Variants in LMBRD1 observed in about 807,000 individuals in gnomAD.
The protein encoded by LMBRD1 is lysosomal cobalamin transport escort protein LMBD1.
A neutral mutation model predicts 74.8 loss-of-function variants in LMBRD1; 64 were observed. The ratio of observed to expected loss-of-function variants is 0.86; its 90% CI spans 0.70 to 1.05. The LOEUF (loss-of-function observed/expected upper bound fraction) is 1.05. Among genes scored for constraint, LMBRD1 ranks in the 50% least tolerant of loss-of-function variants. The probability of loss-of-function intolerance (pLI) is 0.00; values close to 1 mark genes in which losing one functional copy is unlikely to be tolerated. For missense variants in LMBRD1, 652 were observed against 645.9 expected (o/e 1.01, Z -0.10); for synonymous variants, 204 against 216.3 (o/e 0.94, Z 0.50).
Position 69,675,918 on chromosome 6 carries a change from A to C in LMBRD1, c.*240T>G. 1 of 473,860 alleles carries C rather than the reference A, an allele frequency of 2.1e-6. No individual in the cohort carries two copies. Among genetic ancestry groups the C allele is most frequent in the South Asian group, 2.4e-5 (1 of 41,452 alleles). 29.4% of individuals were successfully genotyped at this position (473,860 alleles called of 1,614,324 possible). A position where few individuals can be genotyped will look rare whatever the true frequency, so the allele number is the denominator to read the frequency against. ...TATACATTAGAGGAAAAAATTTTGC[A>C]CAAACATTCCCTCACAAAGCCAGTA... On this transcript the variant is annotated 3_prime_UTR_variant, in exon 16 of 16. Transcript: ENST00000649934.
intron 3 of LMBRD1, among the ~76,000 whole-genome samples, chr6:69,767,746 T>TTTC (rs1765500333): frequency 2.0e-5 from 3 of 152,024 alleles, no homozygotes; most frequent in Non-Finnish European, 4.4e-5. Flanking sequence ...CTTCACTGAT[T>TTTC]TTCTAACTGT....
intron 9 of LMBRD1, chr6:69,705,267 A>G: frequency 2.8e-6 from 2 of 716,912 alleles, no homozygotes; most frequent in Admixed American, 1.8e-5. Flanking sequence ...AAATTTTAAC[A>G]AATTGTTTAA....
chr6:69,675,922 A>G lies in LMBRD1; in HGVS notation c.*236T>C. 1 of 482,020 alleles carries G rather than the reference A, an allele frequency of 2.1e-6. No homozygotes were observed. The highest frequency in any genetic ancestry group is 2.4e-5 in the South Asian group (1 of 41,906). 29.9% of individuals were successfully genotyped at this position (482,020 alleles called of 1,614,324 possible). A position where few individuals can be genotyped will look rare whatever the true frequency, so the allele number is the denominator to read the frequency against. On this transcript the variant is annotated 3_prime_UTR_variant, in exon 16 of 16. Coordinates refer to ENST00000649934, the MANE Select transcript of LMBRD1 (RefSeq NM_018368.4). ...CATTAGAGGAAAAAATTTTGCACAAACATTCCCTCACAAAGCCAGTAGTCT... is the reference window on the plus strand; with the variant it reads ...CATTAGAGGAAAAAATTTTGCACAAGCATTCCCTCACAAAGCCAGTAGTCT...
chr6:69,682,004 G>C (rs1765672783), intron 14 of LMBRD1, among the ~76,000 whole-genome samples: 1 of 151,698 alleles, frequency 6.6e-6, no homozygotes, highest in Admixed American at 6.6e-5. Flanking sequence ...ATGAGCTCAG[G>C]GATGGGAAGA....
chr6:69,758,479 T>C (rs1327485311), intron 3 of LMBRD1, among the ~76,000 whole-genome samples: 3 of 152,144 alleles, frequency 2.0e-5, no homozygotes, highest in Non-Finnish European at 4.4e-5. Flanking sequence ...TGCAGCCTAC[T>C]TGAAACTGAT....
chr6:69,713,785 G>A lies in LMBRD1; in HGVS notation c.775C>T (p.Arg259Ter), dbSNP rs779142724. ...CGTTTATCCCTTGCTGGCAAAGGTC[G>A]ACCATCTTTGCTCTGCAAATAACAG... ...QTIKSKSKDG[R>*]PLPARDKRAL... Residue 259 changes from arginine (R) to a stop codon, truncating the protein, a stop_gained, in exon 9 of 16, where the codon CGA becomes TGA. Coordinates refer to ENST00000649934, the MANE Select transcript of LMBRD1 (RefSeq NM_018368.4). LOFTEE classifies it high-confidence loss of function. The A allele has an allele frequency of 2.5e-6, 4 of 1,613,392 alleles. No individual in the cohort carries two copies. The South Asian group carries it at 3.3e-5, about 13-fold the overall frequency.
chr6:69,759,080 T>A (rs1299921348), intron 3 of LMBRD1, among the ~76,000 whole-genome samples: 1 of 152,148 alleles, frequency 6.6e-6, no homozygotes, highest in African/African-American at 2.4e-5. Context: ...AGATGTCTAG[T>A]AAGAATTATA....
At chr6:69,691,180 G>A (rs1392430267) in intron 14 of LMBRD1, among the ~76,000 whole-genome samples, 19 of 134,640 alleles carry the variant, frequency 1.4e-4, no homozygotes, top group Admixed American at 7.6e-5. Context: ...AAGGACAGAT[G>A]ATGCAATAAT....
chr6:69,697,824 G>A (rs184108139), intron 13 of LMBRD1, among the ~76,000 whole-genome samples, 183 bp from the exon 14 acceptor site: 2 of 152,086 alleles, frequency 1.3e-5, no homozygotes, highest in East Asian at 1.9e-4. Flanking sequence ...TAAACATTAA[G>A]GCTTTTTGCA....
intron 7 of LMBRD1, 43 bp downstream of exon 7, chr6:69,737,899 T>C: frequency 7.6e-7 from 1 of 1,312,860 alleles, no homozygotes; most frequent in Non-Finnish European, 1.1e-6. Flanking sequence ...AAAAAAATTG[T>C]TTTATAAGGC....
chr6:69,728,023 C>T lies in LMBRD1; in HGVS notation c.637-8942G>A, dbSNP rs551796114. 1.6e-4 allele frequency among the ~76,000 whole-genome samples: 24 copies of T among 152,264 alleles called. No individual in the cohort carries two copies. The South Asian group carries it at 4.6e-3, about 29-fold the overall frequency. On this transcript the variant is annotated intron_variant, in intron 7 of 15. Coordinates refer to ENST00000649934, the MANE Select transcript of LMBRD1 (RefSeq NM_018368.4). The stretch of plus-strand genomic sequence containing the variant: ...CATTGCTATAAAGAACTACCTGAGA[C>T]TGGGTAATTTATAAAGAAAAGAGGT...
chr6:69,705,712 C>A (rs1582068711), intron 9 of LMBRD1: 21 of 1,101,138 alleles, frequency 1.9e-5, no homozygotes, highest in South Asian at 1.9e-4. Context: ...TTCTGTGGAA[C>A]CTTGCTACCA....
At chr6:69,698,062 G>A (rs1414143541) in intron 13 of LMBRD1, among the ~76,000 whole-genome samples, 2 of 151,982 alleles carry the variant, frequency 1.3e-5, no homozygotes, top group Non-Finnish European at 2.9e-5. Flanking sequence ...GGCAAGAAGA[G>A]AATAAAAAGG....
intron 14 of LMBRD1, among the ~76,000 whole-genome samples, chr6:69,690,171 A>C (rs1456109644): frequency 6.6e-6 from 1 of 151,616 alleles, no homozygotes; most frequent in Non-Finnish European, 1.5e-5. Context: ...TCTAACACAG[A>C]TTTTTGCAAG....
chr6:69,680,290 A>C (rs1218681932), intron 14 of LMBRD1, among the ~76,000 whole-genome samples: 1 of 152,156 alleles, frequency 6.6e-6, no homozygotes, highest in Non-Finnish European at 1.5e-5. Context: ...TGAAAAACTC[A>C]ACTTTCTCAA....
chr6:69,677,817 T>C (rs1765578172), intron 14 of LMBRD1, among the ~76,000 whole-genome samples: 1 of 152,142 alleles, frequency 6.6e-6, no homozygotes, highest in Non-Finnish European at 1.5e-5. Flanking sequence ...TAATTAAAAA[T>C]AAATCATATA....
At chr6:69,718,462 T>C (rs937456087) in intron 8 of LMBRD1, among the ~76,000 whole-genome samples, 13 of 152,168 alleles carry the variant, frequency 8.5e-5, no homozygotes, top group African/African-American at 3.1e-4. Context: ...GTAAGGGTAC[T>C]GTATTAGTCC....
intron 14 of LMBRD1, among the ~76,000 whole-genome samples, chr6:69,677,438 G>A (rs1765570952): frequency 6.6e-6 from 1 of 152,094 alleles, no homozygotes; most frequent in African/African-American, 2.4e-5. Flanking sequence ...TTGGAAAAGT[G>A]GGGTTCTAAT....
rs1297266123 is a variant in LMBRD1, at chr6:69,784,180, C to T, written c.247-3626G>A. ...ATATGTTTTATAAACTATTGCCTCT[C>T]GAAGTAGAAACTAAAAGAAACTTCA... On this transcript the variant is annotated intron_variant, in intron 2 of 15. Coordinates refer to ENST00000649934, the MANE Select transcript of LMBRD1 (RefSeq NM_018368.4). 2.6e-5 allele frequency among the ~76,000 whole-genome samples: 4 copies of T among 151,964 alleles called. No homozygotes were observed. In the South Asian group the frequency reaches 8.3e-4, roughly 32 times the overall value.
Sources: allele counts gnomAD v4.1 joint callset (sites outside exome capture counted in the v4.1 genomes callset), GRCh38; gene constraint gnomAD v4.1.1; transcripts MANE v1.5; gene names NCBI Gene and HGNC (gene_info 2026-07-23, HGNC 2026-07-21).